NXPH1: variants seen among roughly 807,000 people sequenced by gnomAD.
NXPH1 encodes the protein neurexophilin-1.
Under a neutral mutation model 23.7 loss-of-function variants are expected in NXPH1, and 5 were observed. That is an observed-to-expected ratio of 0.21 (90% CI 0.11 to 0.44). The LOEUF (loss-of-function observed/expected upper bound fraction) is 0.44, where lower values mean the gene tolerates loss of function less well. NXPH1 is among the 20% of genes least tolerant of loss of function. The pLI is 0.99. For synonymous variants in NXPH1, 144 were observed against 122.2 expected, an observed-to-expected ratio of 1.18 and a Z score of -1.18; for missense variants, 324 against 321.6, an observed-to-expected ratio of 1.01 and a Z score of -0.06.
chr7:8,627,543 T>G (rs2115131275), intron 2 of NXPH1, among the ~76,000 whole-genome samples: 1 of 152,242 alleles, frequency 6.6e-6, no homozygotes, highest in East Asian at 1.9e-4. Flanking sequence ...CTGACACTAG[T>G]AGGCAGAATG....
chr7:8,469,454 C>G (rs1002933421), intron 2 of NXPH1, among the ~76,000 whole-genome samples: 2 of 152,054 alleles, frequency 1.3e-5, no homozygotes, highest in South Asian at 2.1e-4. Context: ...CAACTAGGAT[C>G]TAATGACAGA....
chr7:8,729,514 C>T (rs368522047), intron 2 of NXPH1, among the ~76,000 whole-genome samples: 20,612 of 118,334 alleles, frequency 0.17, 1,445 homozygotes, highest in African/African-American at 0.25. Context: ...GCTTTGAATG[C>T]GTCCCAGAGA....
chr7:8,579,127 C>A (rs1416943268), intron 2 of NXPH1, among the ~76,000 whole-genome samples: 1 of 152,142 alleles, frequency 6.6e-6, no homozygotes, highest in Admixed American at 6.5e-5. Context: ...TGTGGCTGAT[C>A]TAGAACTTGA....
intron 2 of NXPH1, among the ~76,000 whole-genome samples, chr7:8,515,362 T>C (rs1231099179): frequency 6.6e-6 from 1 of 152,118 alleles, no homozygotes. Context: ...CATGGTACTG[T>C]ATGCTGCTCC....
At chr7:8,729,617 C>G (rs1388137271) in intron 2 of NXPH1, among the ~76,000 whole-genome samples, 1 of 136,070 alleles carries the variant, frequency 7.3e-6, no homozygotes, top group African/African-American at 2.9e-5. Flanking sequence ...CATTCAGGAG[C>G]AGGTTGTTCA....
intron 2 of NXPH1, among the ~76,000 whole-genome samples, chr7:8,450,321 A>G (rs1302631473): frequency 6.6e-6 from 1 of 152,238 alleles, no homozygotes; most frequent in Non-Finnish European, 1.5e-5. Flanking sequence ...ATGCAAATCT[A>G]CACTCTTTTT....
At chr7:8,638,573 T>C (rs886829875) in intron 2 of NXPH1, among the ~76,000 whole-genome samples, 3 of 152,230 alleles carry the variant, frequency 2.0e-5, no homozygotes, top group Non-Finnish European at 4.4e-5. Context: ...GATTGATTGT[T>C]GTATTTTTCA....
chr7:8,562,596 C>T (rs539066127), intron 2 of NXPH1, among the ~76,000 whole-genome samples: 19 of 151,340 alleles, frequency 1.3e-4, no homozygotes, highest in Admixed American at 6.6e-4. Flanking sequence ...ATGACTAACA[C>T]ATTCCTGTGC....
intron 2 of NXPH1, among the ~76,000 whole-genome samples, chr7:8,535,734 C>A (rs1417841334): frequency 6.6e-6 from 1 of 151,776 alleles, no homozygotes; most frequent in Admixed American, 6.6e-5. Context: ...GATAAGGGAT[C>A]AGGCAAAGCA....
chr7:8,717,337 T>C (rs1283861344), intron 2 of NXPH1, among the ~76,000 whole-genome samples: 1 of 152,192 alleles, frequency 6.6e-6, no homozygotes, highest in African/African-American at 2.4e-5. Flanking sequence ...GGATTTATTA[T>C]GTATGTTTCC....
rs891909896 is a variant in NXPH1, at chr7:8,483,421, C to G, written c.54+47654C>G. Among the ~76,000 whole-genome samples, 5 of 152,080 alleles carry G rather than the reference C, an allele frequency of 3.3e-5. No homozygotes were observed. The East Asian group carries it at 9.7e-4, about 29-fold the overall frequency. The stretch of plus-strand genomic sequence containing the variant: ...TCTTGGCTCACTGCAGCCTTGACCT[C>G]CCAGGCTCAAGCGGTCTACCCACCT... On this transcript the variant is annotated intron_variant, in intron 2 of 2. Coordinates refer to ENST00000405863, the MANE Select transcript of NXPH1 (RefSeq NM_152745.3).
chr7:8,577,064 G>A (rs999649494), intron 2 of NXPH1, among the ~76,000 whole-genome samples: 1 of 152,068 alleles, frequency 6.6e-6, no homozygotes, highest in Non-Finnish European at 1.5e-5. Context: ...TAGAACATTT[G>A]AAATGATAAT....
At chr7:8,523,638 C>A (rs1000147694) in intron 2 of NXPH1, among the ~76,000 whole-genome samples, 1 of 152,048 alleles carries the variant, frequency 6.6e-6, no homozygotes, top group Non-Finnish European at 1.5e-5. Flanking sequence ...TTTCTTAAAG[C>A]GTTTGTAAAG....
At chr7:8,689,967 T>C (rs1171720787) in intron 2 of NXPH1, among the ~76,000 whole-genome samples, 1 of 152,228 alleles carries the variant, frequency 6.6e-6, no homozygotes, top group East Asian at 1.9e-4. Context: ...TTAGGCTTAC[T>C]GTTACCTTAC....
chr7:8,506,907 G>A (rs1214022823), intron 2 of NXPH1, among the ~76,000 whole-genome samples: 3 of 152,070 alleles, frequency 2.0e-5, no homozygotes, highest in Non-Finnish European at 4.4e-5. Context: ...CAGCTCATGT[G>A]AAGGTTTGGT....
chr7:8,646,183 G>T (rs552182695), intron 2 of NXPH1, among the ~76,000 whole-genome samples: 1 of 152,124 alleles, frequency 6.6e-6, no homozygotes, highest in South Asian at 2.1e-4. Flanking sequence ...CTTTTTCTAT[G>T]ATGACCCTGT....
intron 2 of NXPH1, among the ~76,000 whole-genome samples, chr7:8,557,067 T>C (rs1818369164): frequency 6.6e-6 from 1 of 151,732 alleles, no homozygotes; most frequent in African/African-American, 2.4e-5. Flanking sequence ...AGTCGATGAC[T>C]ACATAGAATG....
intron 2 of NXPH1, among the ~76,000 whole-genome samples, chr7:8,742,920 G>A (rs563402577): frequency 9.9e-5 from 15 of 152,258 alleles, no homozygotes; most frequent in African/African-American, 3.6e-4. Context: ...TCTTCAGTAA[G>A]CTGAAGACTT....
intron 2 of NXPH1, among the ~76,000 whole-genome samples, chr7:8,528,074 A>G (rs146207897): frequency 6.6e-6 from 1 of 152,354 alleles, no homozygotes; most frequent in African/African-American, 2.4e-5. Context: ...CAAAAGCACA[A>G]TAACCGATGG....
Sources: allele counts gnomAD v4.1 joint callset (sites outside exome capture counted in the v4.1 genomes callset), GRCh38; gene constraint gnomAD v4.1.1; transcripts MANE v1.5; gene names NCBI Gene and HGNC (gene_info 2026-07-23, HGNC 2026-07-21).